The following NCAM1 variants were observed in gnomAD, a reference collection of about 807,000 sequenced individuals.
The protein encoded by NCAM1 is neural cell adhesion molecule 1.
A neutral mutation model predicts 109.8 loss-of-function variants in NCAM1; 14 were observed. The observed-to-expected ratio is 0.13, with a 90% CI of 0.08 to 0.20. The LOEUF (loss-of-function observed/expected upper bound fraction) is 0.20, where lower values mean the gene tolerates loss of function less well. Ranked by LOEUF, NCAM1 falls within the 10% of genes least tolerant of loss-of-function variation. NCAM1 has a pLI of 1.00. For synonymous variants in NCAM1, 418 were observed against 442.9 expected (o/e 0.94, Z 0.70); for missense variants, 774 against 1,109.9 (o/e 0.70, Z 4.30).
Position 113,275,431 on chromosome 11 carries a change from A to G in NCAM1, c.*44A>G, listed in dbSNP as rs1233650057. ...CAAAGATCAAAATAAAAAGTGACAC[A>G]GCAGCTTCACCAGAGCATTTCCAAC... is the stretch of plus-strand genomic sequence containing the variant. On this transcript the variant is annotated 3_prime_UTR_variant, in exon 20 of 20. Transcript: ENST00000316851. The G allele has an allele frequency of 6.3e-7, 1 of 1,590,100 alleles. No individual in the cohort carries two copies. The highest frequency in any genetic ancestry group is 2.3e-5 in the East Asian group (1 of 43,546).
At chr11:113,135,637 G>A (rs960020722) in intron 1 of NCAM1, among the ~76,000 whole-genome samples, 1 of 152,208 alleles carries the variant, frequency 6.6e-6, no homozygotes, top group Non-Finnish European at 1.5e-5. Flanking sequence ...TTGCTTACCA[G>A]TGCTTTTGTG....
chr11:113,070,775 A>AGGTCATTTG (rs1231259436), intron 1 of NCAM1, among the ~76,000 whole-genome samples: 3 of 152,190 alleles, frequency 2.0e-5, no homozygotes, highest in African/African-American at 7.2e-5. Context: ...GGAAAAGATA[A>AGGTCATTTG]GGTCATTTGC....
At chr11:113,235,824 T>G (rs1555118180) in intron 14 of NCAM1, among the ~76,000 whole-genome samples, 2 of 152,180 alleles carry the variant, frequency 1.3e-5, no homozygotes, top group Non-Finnish European at 2.9e-5. Context: ...CCTCTTTCTT[T>G]TAACTACGCC....
chr11:113,034,269 A>G (rs1952799046), intron 1 of NCAM1, among the ~76,000 whole-genome samples: 1 of 149,052 alleles, frequency 6.7e-6, no homozygotes, highest in Non-Finnish European at 1.5e-5. Context: ...CCTTGAGGAC[A>G]ATAGACTTTT....
intron 8 of NCAM1, among the ~76,000 whole-genome samples, chr11:113,220,596 C>CTTTTTTTTTTT: frequency 9.0e-6 from 1 of 110,672 alleles, no homozygotes; most frequent in Non-Finnish European, 1.8e-5. Flanking sequence ...CTCTCTCTCT[C>CTTTTTTTTTTT]TCTCTCTTTT....
At chr11:113,275,154 G>A (rs1304200633) in intron 19 of NCAM1, 113 bp from the exon 20 acceptor site, 6 of 1,395,286 alleles carry the variant, frequency 4.3e-6, no homozygotes, top group Non-Finnish European at 4.8e-6. Flanking sequence ...TTGGAGCCGG[G>A]TGCTGTCACT....
At chr11:113,264,151 C>T (rs1054340338) in intron 17 of NCAM1, 4 of 985,134 alleles carry the variant, frequency 4.1e-6, no homozygotes, top group Admixed American at 6.1e-5. Context: ...CTCCCTCCCC[C>T]CATTGTGGTC....
chr11:113,243,318 C>A (rs1250856873), intron 14 of NCAM1, among the ~76,000 whole-genome samples: 3 of 152,096 alleles, frequency 2.0e-5, no homozygotes, highest in Admixed American at 2.0e-4. Flanking sequence ...AGGAAGGAGC[C>A]GCTGCTTCCT....
chr11:113,160,172 T>C (rs1555104102), intron 1 of NCAM1, among the ~76,000 whole-genome samples: 1 of 152,096 alleles, frequency 6.6e-6, no homozygotes, highest in African/African-American at 2.4e-5. Context: ...AGGTCACACA[T>C]AGGGCAGGCC....
intron 1 of NCAM1, among the ~76,000 whole-genome samples, chr11:113,187,615 T>C (rs994252752): frequency 6.6e-5 from 10 of 151,418 alleles, no homozygotes; most frequent in African/African-American, 2.4e-4. Flanking sequence ...CTGCATAAGC[T>C]ATTCCAAATG....
chr11:113,156,983 T>C (rs1942431589), intron 1 of NCAM1, among the ~76,000 whole-genome samples: 1 of 152,188 alleles, frequency 6.6e-6, no homozygotes, highest in Admixed American at 6.5e-5. Flanking sequence ...GGTGATTGGA[T>C]GTCCTGGGTT....
chr11:113,153,040 T>TC (rs1942282666), intron 1 of NCAM1, among the ~76,000 whole-genome samples: 1 of 136,100 alleles, frequency 7.3e-6, no homozygotes, highest in East Asian at 2.0e-4. Context: ...TGCAGCAATG[T>TC]CTATAATTTT....
chr11:113,032,453 C>T lies in NCAM1; in HGVS notation c.52+70789C>T, dbSNP rs78990122. 3.8e-3 allele frequency among the ~76,000 whole-genome samples: 583 copies of T among 152,174 alleles called. 3 individuals carry two copies. Among genetic ancestry groups the T allele is most frequent in the Middle Eastern group, 0.01 (3 of 294 alleles). On this transcript the variant is annotated intron_variant, in intron 1 of 19. Transcript: ENST00000316851. ...GCCCTTCCCAGAATCCCCTGCATCCCGTCGGCTGACTCACAGGAAAGAGGG... is the reference window on the plus strand; with the variant it reads ...GCCCTTCCCAGAATCCCCTGCATCCTGTCGGCTGACTCACAGGAAAGAGGG...
chr11:113,075,721 C>A (rs1329018212), intron 1 of NCAM1, among the ~76,000 whole-genome samples: 4 of 152,086 alleles, frequency 2.6e-5, no homozygotes, highest in African/African-American at 9.7e-5. Context: ...CATCAAGTAC[C>A]CTTACTAGCC....
At position 113,271,743 on chromosome 11, in the gene NCAM1, C is replaced by T; in HGVS notation, c.2340-17C>T. On this transcript the variant is annotated splice_polypyrimidine_tract_variant and intron_variant, in intron 18 of 19. Coordinates refer to ENST00000316851, the MANE Select transcript of NCAM1 (RefSeq NM_181351.5). ...TGCAGCTGCCCTAGGGTCTAACCAGCAGTACTGTCTCCACAGGAAAGATGA... is the reference window on the plus strand; with the variant it reads ...TGCAGCTGCCCTAGGGTCTAACCAGTAGTACTGTCTCCACAGGAAAGATGA... 6.5e-7 allele frequency: 1 copy of T among 1,544,216 alleles called. No homozygotes were observed. The highest frequency in any genetic ancestry group is 8.8e-7 in the Non-Finnish European group (1 of 1,140,614).
intron 1 of NCAM1, among the ~76,000 whole-genome samples, chr11:113,052,096 A>G (rs868949868): frequency 6.6e-6 from 1 of 152,188 alleles, no homozygotes; most frequent in East Asian, 1.9e-4. Flanking sequence ...GTTCAATAAC[A>G]TGAGGATTTC....
At chr11:113,234,620 C>A (rs1328203283) in intron 13 of NCAM1, among the ~76,000 whole-genome samples, 2 of 152,224 alleles carry the variant, frequency 1.3e-5, no homozygotes, top group African/African-American at 2.4e-5. Context: ...TAGCATGTGT[C>A]AGAATTTCCT....
chr11:113,083,400 G>A (rs1555087658), intron 1 of NCAM1, among the ~76,000 whole-genome samples: 6 of 152,114 alleles, frequency 3.9e-5, no homozygotes, highest in Non-Finnish European at 1.5e-5. Context: ...TTAGATGGGA[G>A]GTGAGTATGA....
chr11:113,270,962 T>G (rs674246), intron 18 of NCAM1, among the ~76,000 whole-genome samples: 3 of 152,024 alleles, frequency 2.0e-5, no homozygotes, highest in South Asian at 2.1e-4. Context: ...CTTCGAAGAC[T>G]GTCACTGGGT....
Sources: gnomAD v4.1 joint callset for allele counts (sites outside exome capture counted in the v4.1 genomes callset) on GRCh38, gnomAD v4.1.1 for gene constraint, MANE v1.5 for transcripts, NCBI Gene and HGNC (gene_info 2026-07-23, HGNC 2026-07-21) for gene names.